Variants in P2RY11 observed in about 807,000 individuals in gnomAD.
The protein encoded by P2RY11 is purinergic receptor P2Y11, also known as P2Y purinoceptor 11.
P2RY11 carries 3 observed loss-of-function variants against 2.4 expected under a neutral mutation model. The observed-to-expected ratio is 1.22, with a 90% CI of 0.56 to 3.17. The LOEUF (loss-of-function observed/expected upper bound fraction) is 3.17. P2RY11 is among the 30% of genes most tolerant of loss of function. The probability of loss-of-function intolerance (pLI) is 0.03; values close to 1 mark genes in which losing one functional copy is unlikely to be tolerated. For missense variants in P2RY11, 670 were observed against 528.2 expected (o/e 1.27, Z -2.63); for synonymous variants, 307 against 237.3 (o/e 1.29, Z -2.70).
rs185456950 is a variant in P2RY11 at position 10,111,903 on chromosome 19, G to A, written c.19+163G>A. The stretch of plus-strand genomic sequence containing the variant: ...GAGGGGGGTGGAACACGAGGTCAGG[G>A]GTTCGAGACCACCCTGACCAACAAG... On this transcript the variant is annotated intron_variant, in intron 1 of 1. Coordinates refer to ENST00000321826, the MANE Select transcript of P2RY11 (RefSeq NM_002566.5). 9.9e-3 allele frequency among the ~76,000 whole-genome samples: 1,511 copies of A among 152,092 alleles called. 33 individuals carry two copies. Among genetic ancestry groups the A allele is most frequent in the African/African-American group, 0.034 (1,404 of 41,472 alleles).
Position 10,114,187 on chromosome 19 carries a change from CTG to C in P2RY11, c.575_576del (p.Leu192ArgfsTer14), listed in dbSNP as rs769631646. 1.9e-5 allele frequency: 30 copies of C among 1,600,756 alleles called. No individual in the cohort carries two copies. Among genetic ancestry groups the C allele is most frequent in the Non-Finnish European group, 2.4e-5 (28 of 1,179,548 alleles). On this transcript the variant is annotated frameshift_variant, in exon 2 of 2. Coordinates refer to ENST00000321826, the MANE Select transcript of P2RY11 (RefSeq NM_002566.5). LOFTEE classifies it low-confidence loss of function (END_TRUNC). ...CAGGCCCGAGGCCTGCATCAAGTGT[CTG>C]GGGACAGCAGACCACGGGCTGGCGG... ...VARPEACIKC[L>X]GTADHGLAAY... is the part of the protein sequence containing the mutation.
In P2RY11 at chr19:10,113,731, C is replaced by T. The variant is rs770841428; in HGVS notation, c.118C>T (p.Leu40=). 1.2e-6 allele frequency: 2 copies of T among 1,613,942 alleles called. No homozygotes were observed. The highest frequency in any genetic ancestry group is 1.3e-5 in the African/African-American group (1 of 74,910). The change falls in exon 2 of 2, where the codon CTG becomes TTG. Residue 40 remains leucine (L), a synonymous_variant. Transcript: ENST00000321826. ...FLWPILVVEF[L]VAVASNGLAL... The stretch of plus-strand genomic sequence containing the variant: ...GTGGCCCATACTGGTGGTTGAGTTC[C>T]TGGTGGCCGTGGCCAGCAATGGCCT...
In P2RY11 at chr19:10,114,207, G is replaced by A. The variant is rs1301432244; in HGVS notation, c.594G>A (p.Gly198=). ...CIKCLGTADH[G]LAAYRAYSLV... is the part of the protein sequence containing the mutation. ...AGTGTCTGGGGACAGCAGACCACGGGCTGGCGGCCTACAGAGCGTATAGCC... is the reference window on the plus strand; with the variant it reads ...AGTGTCTGGGGACAGCAGACCACGGACTGGCGGCCTACAGAGCGTATAGCC... Residue 198 remains glycine, a synonymous_variant, in exon 2 of 2, where the codon GGG becomes GGA. Transcript: ENST00000321826. 2 of 1,600,246 alleles carry A rather than the reference G, an allele frequency of 1.2e-6. No homozygotes were observed. The highest frequency in any genetic ancestry group is 3.3e-5 in the Admixed American group (2 of 59,990).
chr19:10,114,160 G>T lies in P2RY11; in HGVS notation c.547G>T (p.Ala183Ser). Residue 183 changes from alanine to serine, a missense_variant, in exon 2 of 2, where the codon GCC (alanine) becomes TCC (serine). Coordinates refer to ENST00000321826, the MANE Select transcript of P2RY11 (RefSeq NM_002566.5). ...GCAGGGGGCGGGCAACTGCAGCGTG[G>T]CCAGGCCCGAGGCCTGCATCAAGTG... ...PQQGAGNCSV[A>S]RPEACIKCLG... 1 of 1,600,852 alleles carries T rather than the reference G, an allele frequency of 6.2e-7. No individual in the cohort carries two copies. The highest frequency in any genetic ancestry group is 8.5e-7 in the Non-Finnish European group (1 of 1,179,552).
At position 10,115,304 on chromosome 19, in the gene P2RY11, G is replaced by A. The variant is rs1281976349; in HGVS notation, c.*566G>A. 1.6e-5 allele frequency: 18 copies of A among 1,110,880 alleles called. No individual in the cohort carries two copies. Among genetic ancestry groups the A allele is most frequent in the Non-Finnish European group, 2.0e-5 (16 of 790,222 alleles). The allele number at this position is 1,110,880 out of a possible 1,614,324, so 68.8% of individuals were successfully genotyped here. ...GGTCCACGGACTGGCAGGGACCCCA[G>A]GCACAAGAGCTGCCACCCCTCTGCC... On this transcript the variant is annotated 3_prime_UTR_variant, in exon 2 of 2. Transcript: ENST00000321826.
At chr19:10,113,301 C>T (rs944513397) in intron 1 of P2RY11, among the ~76,000 whole-genome samples, 5 of 152,150 alleles carry the variant, frequency 3.3e-5, no homozygotes, top group Non-Finnish European at 7.4e-5. Flanking sequence ...GAAGTGGAGC[C>T]GGCAGGCCTT....
At position 10,114,365 on chromosome 19, in the gene P2RY11, C is replaced by T. The variant is rs368766753; in HGVS notation, c.752C>T (p.Ala251Val). The T allele has an allele frequency of 3.1e-6, 5 of 1,605,874 alleles. No individual in the cohort carries two copies. The highest frequency in any genetic ancestry group is 4.2e-6 in the Non-Finnish European group (5 of 1,179,372). Residue 251 changes from alanine to valine, a missense_variant, in exon 2 of 2, where the codon GCC becomes GTC. By Grantham distance (64) the Ala-to-Val change is moderately conservative (BLOSUM62 0). Coordinates refer to ENST00000321826, the MANE Select transcript of P2RY11 (RefSeq NM_002566.5). ...AAGCTGCGTGTGGCAGCGTTGGTGG[C>T]CAGTGGTGTGGCCCTCTACGCCAGC... Reference protein sequence around the residue: ...AEKLRVAALVASGVALYASSY... With the variant: ...AEKLRVAALVVSGVALYASSY...
chr19:10,115,323 CT>C lies in P2RY11; in HGVS notation c.*586del. On this transcript the variant is annotated 3_prime_UTR_variant, in exon 2 of 2. Transcript: ENST00000321826. ...ACCCCAGGCACAAGAGCTGCCACCC[CT>C]CTGCCCGGTTTTGGAAAAAAACAAT... The C allele has an allele frequency of 8.9e-7, 1 of 1,124,114 alleles. No individual in the cohort carries two copies. Among genetic ancestry groups the C allele is most frequent in the South Asian group, 1.6e-5 (1 of 61,856 alleles). The allele number at this position is 1,124,114 out of a possible 1,614,324, so 69.6% of individuals were successfully genotyped here.
Position 10,113,850 on chromosome 19 carries a change from C to T in P2RY11, c.237C>T (p.Ala79=), listed in dbSNP as rs3745600. 0.43 allele frequency: 695,343 copies of T among 1,611,998 alleles called. 153,039 individuals carry two copies. The highest frequency in any genetic ancestry group is 0.49 in the Admixed American group (29,230 of 59,812). The part of the protein sequence containing the change: ...VQLAVSDLLC[A]LTLPPLAAYL... ...TGGCAGTCAGCGACCTGCTCTGCGC[C>T]CTGACGCTGCCCCCGCTGGCCGCCT... The change falls in exon 2 of 2, where the codon GCC becomes GCT. Residue 79 remains alanine, a synonymous_variant. Coordinates refer to ENST00000321826, the MANE Select transcript of P2RY11 (RefSeq NM_002566.5).
chr19:10,114,803 G>A lies in P2RY11; in HGVS notation c.*65G>A, dbSNP rs118041227. 17,484 of 1,533,752 alleles carry A rather than the reference G, an allele frequency of 0.011. 160 individuals are homozygous for A. Among genetic ancestry groups the A allele is most frequent in the Middle Eastern group, 0.031 (144 of 4,674 alleles). ...CTGGAGAACCCTGAGGGCAGGGCCC[G>A]AGCCCCGACACATCCCTTCCCCCAA... On this transcript the variant is annotated 3_prime_UTR_variant, in exon 2 of 2. Coordinates refer to ENST00000321826, the MANE Select transcript of P2RY11 (RefSeq NM_002566.5).
In P2RY11 at chr19:10,114,511, T is replaced by C. The variant is rs2089198211; in HGVS notation, c.898T>C (p.Tyr300His). 1 of 1,609,244 alleles carries C rather than the reference T, an allele frequency of 6.2e-7. No homozygotes were observed. The highest frequency in any genetic ancestry group is 8.5e-7 in the Non-Finnish European group (1 of 1,176,788). Residue 300 changes from tyrosine to histidine, a missense_variant, in exon 2 of 2, where the codon TAC becomes CAC. Transcript: ENST00000321826. ...QATAALELGP[Y>H]VGYQVMRGLM... is the part of the protein sequence containing the mutation. The stretch of plus-strand genomic sequence containing the variant: ...CACAGCAGCCCTGGAGCTGGGGCCC[T>C]ACGTGGGCTACCAGGTGATGCGGGG...
At position 10,114,888 on chromosome 19, in the gene P2RY11, C is replaced by T. The variant is rs544895911; in HGVS notation, c.*150C>T. The T allele has an allele frequency of 1.6e-4, 221 of 1,419,812 alleles. No individual in the cohort carries two copies. The highest frequency in any genetic ancestry group is 2.1e-4 in the Admixed American group (9 of 42,642). The allele number at this position is 1,419,812 out of a possible 1,614,324, so 88.0% of individuals were successfully genotyped here. ...CAGCTGCAGCCCAGGCAGGAGCAGT[C>T]GCCTTTCCCACCCACAGCGCTGGCC... On this transcript the variant is annotated 3_prime_UTR_variant, in exon 2 of 2. Transcript: ENST00000321826.
At position 10,114,083 on chromosome 19, in the gene P2RY11, C is replaced by T. The variant is rs776329867; in HGVS notation, c.470C>T (p.Ala157Val). 1.1e-5 allele frequency: 17 copies of T among 1,600,480 alleles called. No individual in the cohort carries two copies. The Middle Eastern group carries it at 2.1e-3, about 202-fold the overall frequency. Residue 157 changes from alanine (A) to valine (V), a missense_variant, in exon 2 of 2, where the codon GCC becomes GTC. By Grantham distance (64) the Ala-to-Val change is moderately conservative (BLOSUM62 0). Coordinates refer to ENST00000321826, the MANE Select transcript of P2RY11 (RefSeq NM_002566.5). ...GTGAGCGCTGCCGGCTGGGTCCTGG[C>T]CGCCCTGCTGGCCATGCCCACACTC... ...WAVSAAGWVLAALLAMPTLSF... is the reference protein window; with the variant it reads ...WAVSAAGWVLVALLAMPTLSF...
At position 10,113,588 on chromosome 19, in the gene P2RY11, C is replaced by G. The variant is rs917023147; in HGVS notation, c.20-45C>G. The G allele has an allele frequency of 2.5e-6, 4 of 1,573,596 alleles. No homozygotes were observed. In the African/African-American group the frequency reaches 5.4e-5, roughly 21 times the overall value. ...GGGCTCTTGGGGTAGCAGGAGCCGC[C>G]TTATGGGGGAATAGGGCTCAGCTGG... On this transcript the variant is annotated intron_variant, in intron 1 of 1. Coordinates refer to ENST00000321826, the MANE Select transcript of P2RY11 (RefSeq NM_002566.5).
chr19:10,114,102 C>T lies in P2RY11; in HGVS notation c.489C>T (p.Pro163=). The change falls in exon 2 of 2, where the codon CCC becomes CCT. Residue 163 remains proline (P), a synonymous_variant. Coordinates refer to ENST00000321826, the MANE Select transcript of P2RY11 (RefSeq NM_002566.5). ...TCCTGGCCGCCCTGCTGGCCATGCC[C>T]ACACTCAGCTTCTCCCACCTGAAGA... ...GWVLAALLAM[P]TLSFSHLKRP... is the part of the protein sequence containing the mutation. 1 of 1,600,968 alleles carries T rather than the reference C, an allele frequency of 6.2e-7. No homozygotes were observed. The highest frequency in any genetic ancestry group is 8.5e-7 in the Non-Finnish European group (1 of 1,179,642).
rs1300137461 is a variant in P2RY11, at chr19:10,114,073, T to C, written c.460T>C (p.Trp154Arg). 1.2e-6 allele frequency: 2 copies of C among 1,600,470 alleles called. No homozygotes were observed. ...CGCCTGGGCCGTGAGCGCTGCCGGC[T>C]GGGTCCTGGCCGCCCTGCTGGCCAT... ...KHAWAVSAAGWVLAALLAMPT... is the reference protein window; with the variant it reads ...KHAWAVSAAGRVLAALLAMPT... Residue 154 changes from tryptophan (W) to arginine (R), a missense_variant, in exon 2 of 2, where the codon TGG (tryptophan) becomes CGG (arginine). By Grantham distance (101) the Trp-to-Arg change is moderately radical. Coordinates refer to ENST00000321826, the MANE Select transcript of P2RY11 (RefSeq NM_002566.5).
At position 10,114,175 on chromosome 19, in the gene P2RY11, T is replaced by G. The variant is rs777739280; in HGVS notation, c.562T>G (p.Cys188Gly). ...CTGCAGCGTGGCCAGGCCCGAGGCC[T>G]GCATCAAGTGTCTGGGGACAGCAGA... Reference protein sequence around the residue: ...GNCSVARPEACIKCLGTADHG... With the variant: ...GNCSVARPEAGIKCLGTADHG... The change falls in exon 2 of 2, where the codon TGC (cysteine) becomes GGC (glycine). Residue 188 changes from cysteine to glycine, a missense_variant. Coordinates refer to ENST00000321826, the MANE Select transcript of P2RY11 (RefSeq NM_002566.5). 6.2e-7 allele frequency: 1 copy of G among 1,600,916 alleles called. No individual in the cohort carries two copies. The highest frequency in any genetic ancestry group is 1.3e-5 in the African/African-American group (1 of 75,034).
rs775281195 is a variant in P2RY11, at chr19:10,114,326, T to C, written c.713T>C (p.Met238Thr). ...CGGGCCGTGCTACGCAGCCCAGGCA[T>C]GACTGTGGCCGAGAAGCTGCGTGTG... ...LGRAVLRSPG[M>T]TVAEKLRVAA... Residue 238 changes from methionine to threonine, a missense_variant, in exon 2 of 2, where the codon ATG becomes ACG. Coordinates refer to ENST00000321826, the MANE Select transcript of P2RY11 (RefSeq NM_002566.5). 1 of 1,599,786 alleles carries C rather than the reference T, an allele frequency of 6.3e-7. No individual in the cohort carries two copies. The highest frequency in any genetic ancestry group is 2.2e-5 in the East Asian group (1 of 44,728).
At position 10,114,314 on chromosome 19, in the gene P2RY11, G is replaced by A. The variant is rs370596257; in HGVS notation, c.701G>A (p.Arg234His). The change falls in exon 2 of 2, where the codon CGC becomes CAC. Residue 234 changes from arginine to histidine, a missense_variant. Transcript: ENST00000321826. ...AYGALGRAVL[R>H]SPGMTVAEKL... ...GGCGCCCTCGGGCGGGCCGTGCTACGCAGCCCAGGCATGACTGTGGCCGAG... is the reference window on the plus strand; with the variant it reads ...GGCGCCCTCGGGCGGGCCGTGCTACACAGCCCAGGCATGACTGTGGCCGAG... The A allele has an allele frequency of 1.4e-5, 22 of 1,597,150 alleles. No individual in the cohort carries two copies. Among genetic ancestry groups the A allele is most frequent in the African/African-American group, 1.2e-4 (9 of 74,826 alleles).
Sources: gnomAD v4.1 joint callset for allele counts (sites outside exome capture counted in the v4.1 genomes callset) on GRCh38, gnomAD v4.1.1 for gene constraint, MANE v1.5 for transcripts, NCBI Gene and HGNC (gene_info 2026-07-23, HGNC 2026-07-21) for gene names.